EYS: variants seen among roughly 807,000 people sequenced by gnomAD.
EYS encodes the protein EGF-like photoreceptor maintenance factor, also known as protein eyes shut homolog.
A neutral mutation model predicts 282.1 loss-of-function variants in EYS; 250 were observed. The observed-to-expected ratio is 0.89, with a 90% CI of 0.80 to 0.98. The LOEUF (loss-of-function observed/expected upper bound fraction) is 0.98. Ranked by LOEUF, EYS falls within the 50% of genes least tolerant of loss-of-function variation. The pLI is 0.00. For missense variants in EYS, 4,016 were observed against 3,709.0 expected (o/e 1.08, Z -2.15); for synonymous variants, 1,355 against 1,282.9 (o/e 1.06, Z -1.20).
At chr6:63,892,368 G>T (rs1018010566) in intron 35 of EYS, among the ~76,000 whole-genome samples, 1 of 152,104 alleles carries the variant, frequency 6.6e-6, no homozygotes, top group Non-Finnish European at 1.5e-5. Flanking sequence ...CATGGTACTG[G>T]TACCAAAACA....
chr6:65,083,924 T>A, intron 12 of EYS, among the ~76,000 whole-genome samples: 1 of 151,748 alleles, frequency 6.6e-6, no homozygotes, highest in East Asian at 1.9e-4. Flanking sequence ...ACATGTATAT[T>A]TCTCAGATAT....
chr6:64,573,146 C>G (rs1032740344), intron 26 of EYS, among the ~76,000 whole-genome samples: 1 of 152,110 alleles, frequency 6.6e-6, no homozygotes, highest in Non-Finnish European at 1.5e-5. Flanking sequence ...TGATCTTTGA[C>G]AAACCTGGCA....
chr6:63,832,750 C>T (rs574903067), intron 36 of EYS, among the ~76,000 whole-genome samples: 22 of 151,990 alleles, frequency 1.4e-4, no homozygotes, highest in Admixed American at 7.2e-4. Context: ...AAAGCCTGGC[C>T]GAGACACAAC....
At chr6:65,020,635 T>C (rs1329216515) in intron 13 of EYS, among the ~76,000 whole-genome samples, 3 of 152,182 alleles carry the variant, frequency 2.0e-5, no homozygotes, top group Non-Finnish European at 4.4e-5. Flanking sequence ...ACTGTGGCTC[T>C]CTTCTCACAG....
At chr6:63,725,061 G>A (rs1768558627) in intron 42 of EYS, among the ~76,000 whole-genome samples, 1 of 152,030 alleles carries the variant, frequency 6.6e-6, no homozygotes, top group African/African-American at 2.4e-5. Flanking sequence ...CCTTTCATCT[G>A]ATAATTGTTT....
At position 64,257,386 on chromosome 6, in the gene EYS, C is replaced by A. The variant is rs560163193; in HGVS notation, c.6192-26562G>T. ...GTTGCTTGCTTTCTTTAAGCCATCACCCTTTTTACCATTTTAATCTATTTA... is the reference window on the plus strand; with the variant it reads ...GTTGCTTGCTTTCTTTAAGCCATCAACCTTTTTACCATTTTAATCTATTTA... On this transcript the variant is annotated intron_variant, in intron 30 of 42. Transcript: ENST00000503581. Among the ~76,000 whole-genome samples, 6 of 152,072 alleles carry A rather than the reference C, an allele frequency of 3.9e-5. No individual in the cohort carries two copies. The South Asian group carries it at 1.2e-3, about 32-fold the overall frequency.
chr6:65,315,002 G>C, intron 11 of EYS, among the ~76,000 whole-genome samples: 1 of 151,994 alleles, frequency 6.6e-6, no homozygotes, highest in Non-Finnish European at 1.5e-5. Flanking sequence ...AATTTGCTGA[G>C]ACCACCCACT....
chr6:64,656,640 A>G (rs962251402), intron 22 of EYS, among the ~76,000 whole-genome samples: 1 of 152,162 alleles, frequency 6.6e-6, no homozygotes, highest in Non-Finnish European at 1.5e-5. Flanking sequence ...ACCGTAAAAA[A>G]CACACACTTC....
chr6:64,802,034 T>C (rs1169600685), intron 22 of EYS, among the ~76,000 whole-genome samples: 6 of 115,976 alleles, frequency 5.2e-5, no homozygotes, highest in Admixed American at 1.8e-4. Flanking sequence ...TTTTTTTTTC[T>C]TTTTTTTTTT....
intron 34 of EYS, among the ~76,000 whole-genome samples, chr6:63,988,314 C>A (rs759532849): frequency 6.6e-5 from 10 of 151,600 alleles, no homozygotes; most frequent in Non-Finnish European, 1.2e-4. Flanking sequence ...CAAGTGTGCT[C>A]TTTAAGCACA....
chr6:64,342,982 G>A (rs1034046091), intron 29 of EYS, among the ~76,000 whole-genome samples: 8 of 152,002 alleles, frequency 5.3e-5, no homozygotes, highest in East Asian at 1.9e-4. Flanking sequence ...ATGGTAAAGG[G>A]ATCAATTCAA....
At chr6:64,457,927 T>C (rs935006913) in intron 26 of EYS, among the ~76,000 whole-genome samples, 1 of 151,968 alleles carries the variant, frequency 6.6e-6, no homozygotes, top group African/African-American at 2.4e-5. Flanking sequence ...TTGCTTTTTA[T>C]TTTGTTTGTG....
intron 28 of EYS, among the ~76,000 whole-genome samples, chr6:64,430,448 T>C (rs1224879962): frequency 6.6e-6 from 1 of 152,162 alleles, no homozygotes; most frequent in Non-Finnish European, 1.5e-5. Flanking sequence ...AAGTTATAAT[T>C]ATTTAACAGA....
chr6:65,518,028 G>A (rs1460339185), intron 2 of EYS, among the ~76,000 whole-genome samples: 1 of 151,952 alleles, frequency 6.6e-6, no homozygotes, highest in East Asian at 1.9e-4. Context: ...TCCTTTAACA[G>A]GCTTAACATA....
chr6:64,342,122 T>C (rs1312043425), intron 29 of EYS, among the ~76,000 whole-genome samples: 1 of 151,572 alleles, frequency 6.6e-6, no homozygotes, highest in Non-Finnish European at 1.5e-5. Context: ...TATAGCATAG[T>C]TATAGAATGA....
intron 31 of EYS, among the ~76,000 whole-genome samples, chr6:64,129,158 A>G (rs1773882757): frequency 6.6e-6 from 1 of 152,194 alleles, no homozygotes. Context: ...ATAATTTAGA[A>G]AATCTTTGCA....
At chr6:64,617,565 AT>A in intron 23 of EYS, 32 bp from the exon 24 acceptor site, 2 of 1,209,402 alleles carry the variant, frequency 1.7e-6, no homozygotes, top group Non-Finnish European at 2.4e-6. Context: ...CAGATATGCA[AT>A]TTTTAATGAT....
intron 31 of EYS, among the ~76,000 whole-genome samples, chr6:64,171,774 G>A (rs1764489050): frequency 6.6e-6 from 1 of 152,042 alleles, no homozygotes; most frequent in Non-Finnish European, 1.5e-5. Flanking sequence ...TTATTTCTCT[G>A]CCATTTCCTT....
At chr6:64,063,507 C>T (rs924245898) in intron 33 of EYS, among the ~76,000 whole-genome samples, 13 of 152,116 alleles carry the variant, frequency 8.5e-5, no homozygotes, top group African/African-American at 3.1e-4. Context: ...TTAGTCCAAG[C>T]CACCATTATA....
Sources: gnomAD v4.1 joint callset for allele counts (sites outside exome capture counted in the v4.1 genomes callset) on GRCh38, gnomAD v4.1.1 for gene constraint, MANE v1.5 for transcripts, NCBI Gene and HGNC (gene_info 2026-07-23, HGNC 2026-07-21) for gene names.